NRG1: variants seen among roughly 807,000 people sequenced by gnomAD.
NRG1 encodes the protein pro-neuregulin-1, membrane-bound isoform.
Under a neutral mutation model 63.8 loss-of-function variants are expected in NRG1, and 18 were observed. The ratio of observed to expected loss-of-function variants is 0.28; its 90% confidence interval spans 0.19 to 0.42. The LOEUF is 0.42. NRG1 is among the 10% of genes least tolerant of loss of function. The pLI, the probability that NRG1 is intolerant of heterozygous loss-of-function variation, is 1.00. For synonymous variants in NRG1, 302 were observed against 301.3 expected, an observed-to-expected ratio of 1.00 and a Z score of -0.02; for missense variants, 762 against 814.7, an observed-to-expected ratio of 0.94 and a Z score of 0.79.
At chr8:32,374,077 A>G (rs1809299826) in intron 1 of NRG1, among the ~76,000 whole-genome samples, 1 of 152,212 alleles carries the variant, frequency 6.6e-6, no homozygotes, top group Non-Finnish European at 1.5e-5. Context: ...CAAGTAAAAG[A>G]AAGGTTGAAA....
intron 1 of NRG1, among the ~76,000 whole-genome samples, chr8:32,317,542 G>C (rs1249067394): frequency 6.6e-6 from 1 of 152,154 alleles, no homozygotes; most frequent in African/African-American, 2.4e-5. Context: ...GTTCTTCATT[G>C]AGATTTACTG....
intron 1 of NRG1, among the ~76,000 whole-genome samples, chr8:32,380,550 T>C (rs900868542): frequency 1.3e-5 from 2 of 152,080 alleles, no homozygotes; most frequent in African/African-American, 4.8e-5. Context: ...AACTTCACAC[T>C]AATAAAACAG....
intron 1 of NRG1, among the ~76,000 whole-genome samples, chr8:31,791,441 C>A (rs189803105): frequency 2.5e-4 from 38 of 152,240 alleles, no homozygotes; most frequent in Admixed American, 1.0e-3. Context: ...AAAATGTTTG[C>A]CACCTCCTAT....
At chr8:31,982,514 G>A (rs1291664950) in intron 1 of NRG1, among the ~76,000 whole-genome samples, 1 of 151,506 alleles carries the variant, frequency 6.6e-6, no homozygotes, top group Non-Finnish European at 1.5e-5. Flanking sequence ...AGAACAGGAA[G>A]TGCTGAAAGA....
chr8:31,794,650 A>T (rs1025291858), intron 1 of NRG1, among the ~76,000 whole-genome samples: 1 of 151,832 alleles, frequency 6.6e-6, no homozygotes, highest in Non-Finnish European at 1.5e-5. Context: ...TTAAATTTAG[A>T]GTTATTGTTA....
intron 1 of NRG1, among the ~76,000 whole-genome samples, chr8:31,745,594 C>A (rs1352450288): frequency 1.3e-5 from 2 of 151,854 alleles, no homozygotes; most frequent in Non-Finnish European, 2.9e-5. Flanking sequence ...GAAACATCAT[C>A]GTCTTGACCA....
intron 1 of NRG1, among the ~76,000 whole-genome samples, chr8:32,030,831 G>A (rs1818152627): frequency 6.6e-6 from 1 of 152,106 alleles, no homozygotes; most frequent in Non-Finnish European, 1.5e-5. Flanking sequence ...AATGCTGAGA[G>A]CTTCCCTCCT....
At chr8:32,071,633 G>A (rs1345770719) in intron 1 of NRG1, among the ~76,000 whole-genome samples, 1 of 152,146 alleles carries the variant, frequency 6.6e-6, no homozygotes, top group African/African-American at 2.4e-5. Flanking sequence ...TGTGGGCAGT[G>A]GGATGAGGCA....
intron 1 of NRG1, among the ~76,000 whole-genome samples, chr8:32,542,181 A>G (rs1423630690): frequency 1.3e-5 from 2 of 152,074 alleles, no homozygotes; most frequent in Non-Finnish European, 2.9e-5. Context: ...CAAATTCAGG[A>G]AAAAAAAGTA....
At chr8:32,528,486 C>A (rs922346863) in intron 1 of NRG1, among the ~76,000 whole-genome samples, 2 of 152,154 alleles carry the variant, frequency 1.3e-5, no homozygotes, top group African/African-American at 2.4e-5. Flanking sequence ...AGGTATGTTG[C>A]ATGTACATAT....
At chr8:31,695,903 G>A (rs1310308380) in intron 1 of NRG1, among the ~76,000 whole-genome samples, 1 of 152,082 alleles carries the variant, frequency 6.6e-6, no homozygotes, top group Non-Finnish European at 1.5e-5. Context: ...AGTTGGAAGG[G>A]ACAAGTCACC....
chr8:31,689,436 A>T (rs930254212), intron 1 of NRG1, among the ~76,000 whole-genome samples: 1 of 152,174 alleles, frequency 6.6e-6, no homozygotes, highest in Non-Finnish European at 1.5e-5. Context: ...TTTCTATAGT[A>T]TTTATAATAA....
rs115499342 is a variant in NRG1, at chr8:32,403,497, T to C, written c.38-192331T>C. Among the ~76,000 whole-genome samples the C allele has an allele frequency of 5.8e-3, 876 of 152,274 alleles. 7 individuals carry two copies. Among genetic ancestry groups the C allele is most frequent in the African/African-American group, 0.019 (806 of 41,550 alleles). ...ATTTGCTTCTAGTTGCACAGTCTTA[T>C]AGATTTTCACTTTTATAAGATAAAA... On this transcript the variant is annotated intron_variant, in intron 1 of 10. Transcript: ENST00000519301.
intron 1 of NRG1, among the ~76,000 whole-genome samples, chr8:32,052,547 C>T (rs1822162933): frequency 1.3e-5 from 2 of 151,990 alleles, no homozygotes; most frequent in Middle Eastern, 3.4e-3. Flanking sequence ...GTTTTCAAAT[C>T]TAAAAAAATA....
chr8:32,721,716 C>T (rs1820692052), intron 5 of NRG1: 4 of 625,304 alleles, frequency 6.4e-6, no homozygotes, highest in Non-Finnish European at 8.9e-6. Flanking sequence ...AAAATGCCAA[C>T]CCAGAATGAC....
At chr8:31,718,598 A>C (rs1344184737) in intron 1 of NRG1, among the ~76,000 whole-genome samples, 2 of 152,196 alleles carry the variant, frequency 1.3e-5, no homozygotes, top group African/African-American at 4.8e-5. Flanking sequence ...TGATACTCAC[A>C]AATAATGCCA....
At chr8:32,431,365 A>G (rs555762242) in intron 1 of NRG1, among the ~76,000 whole-genome samples, 109 of 152,004 alleles carry the variant, frequency 7.2e-4, no homozygotes, top group African/African-American at 2.6e-3. Context: ...ATTCTGTCCT[A>G]CTCCACCCTT....
chr8:32,719,715 A>G (rs755497021), intron 5 of NRG1, among the ~76,000 whole-genome samples: 32 of 149,280 alleles, frequency 2.1e-4, no homozygotes, highest in Admixed American at 5.3e-4. Context: ...TCCTTTTTTC[A>G]CTCTTTGTTT....
intron 1 of NRG1, among the ~76,000 whole-genome samples, chr8:31,758,802 G>A (rs539810797): frequency 1.3e-5 from 2 of 152,276 alleles, no homozygotes; most frequent in South Asian, 4.1e-4. Flanking sequence ...GGGACGGCTA[G>A]AGCATAAGCT....
Sources: allele counts gnomAD v4.1 joint callset (sites outside exome capture counted in the v4.1 genomes callset), GRCh38; gene constraint gnomAD v4.1.1; transcripts MANE v1.5; gene names NCBI Gene and HGNC (gene_info 2026-07-23, HGNC 2026-07-21).